Variants in MINAR1 observed in about 807,000 individuals in gnomAD.
The protein encoded by MINAR1 is membrane integral NOTCH2 associated receptor 1.
In MINAR1, 40 loss-of-function variants were observed where a neutral mutation model predicts 65.1. That is an observed-to-expected ratio of 0.61 (90% CI 0.48 to 0.80). MINAR1 has a LOEUF of 0.80. Among genes scored for constraint, MINAR1 ranks in the 30% least tolerant of loss-of-function variants. The pLI is 0.00. For missense variants in MINAR1, 1,128 were observed against 1,148.0 expected (o/e 0.98, Z 0.25); for synonymous variants, 482 against 449.1 (o/e 1.07, Z -0.93).
At chr15:79,420,060 A>G in the MINAR1 span, 1 of 151,376 alleles carries the variant, frequency 6.6e-6, no homozygotes, top group Non-Finnish European at 1.5e-5. Flanking sequence ...ATCAAAGACA[A>G]AGAAAATTCT....
intron 3 of MINAR1, among the ~76,000 whole-genome samples, chr15:79,467,237 G>C (rs1421500376): frequency 6.6e-6 from 1 of 152,186 alleles, no homozygotes; most frequent in Admixed American, 6.5e-5. Flanking sequence ...AATTTTTAAT[G>C]TGCCCATGTT....
In MINAR1 at chr15:79,463,282, T is replaced by G. The variant is rs2141303101; in HGVS notation, c.2514T>G (p.Asn838Lys). Residue 838 changes from asparagine (N) to lysine (K), a missense_variant, in exon 3 of 4, where the codon AAT becomes AAG. Asn to Lys is a moderately conservative substitution (Grantham distance 94). Coordinates refer to ENST00000305428, the MANE Select transcript of MINAR1 (RefSeq NM_015206.3). ...GGACCATTGAGGAGTATGCACGGAATGCGGGCGACAAGGGCAAGCTGACAG... is the reference window on the plus strand; with the variant it reads ...GGACCATTGAGGAGTATGCACGGAAGGCGGGCGACAAGGGCAAGCTGACAG... ...PSWTIEEYAR[N>K]AGDKGKLTAL... 1 of 1,614,148 alleles carries G rather than the reference T, an allele frequency of 6.2e-7. No individual in the cohort carries two copies. The highest frequency in any genetic ancestry group is 8.5e-7 in the Non-Finnish European group (1 of 1,180,012).
chr15:79,460,129 G>T (rs557264603), intron 2 of MINAR1, among the ~76,000 whole-genome samples: 18 of 152,194 alleles, frequency 1.2e-4, no homozygotes, highest in Admixed American at 1.1e-3. Context: ...CTAACACAAA[G>T]TTGCTAACAC....
chr15:79,457,364 C>A lies in MINAR1; in HGVS notation c.1217C>A (p.Pro406Gln). Reference sequence around the variant, plus strand: ...GCCAGTAGCCAGACCCCCAATTTCCCAGCCCCAGAAAGGCGCCCAACTTAC... The same window carrying A: ...GCCAGTAGCCAGACCCCCAATTTCCAAGCCCCAGAAAGGCGCCCAACTTAC... ...PNASSQTPNFPAPERRPTYLV... is the reference protein window; with the variant it reads ...PNASSQTPNFQAPERRPTYLV... The change falls in exon 2 of 4, where the codon CCA becomes CAA. Residue 406 changes from proline (P) to glutamine (Q), a missense_variant. Pro to Gln is a moderately conservative substitution (Grantham distance 76). Transcript: ENST00000305428. 5.0e-6 allele frequency: 8 copies of A among 1,614,202 alleles called. No homozygotes were observed. The highest frequency in any genetic ancestry group is 6.8e-6 in the Non-Finnish European group (8 of 1,180,038).
At chr15:79,428,831 A>G (rs981483407), upstream of MINAR1, among the ~76,000 whole-genome samples, 1 of 152,128 alleles carries the variant, frequency 6.6e-6, no homozygotes, top group Non-Finnish European at 1.5e-5. Flanking sequence ...ATTATGATGG[A>G]TTAAAAAGTA....
At chr15:79,437,726 AGTGT>A (rs200948827) in intron 1 of MINAR1, among the ~76,000 whole-genome samples, 3 of 3,886 alleles carry the variant, frequency 7.7e-4, no homozygotes, top group South Asian at 0.021. Flanking sequence ...GTGGGTAGTG[AGTGT>A]GTGGGGTGTG....
chr15:79,451,190 G>A (rs1456178431), intron 1 of MINAR1, among the ~76,000 whole-genome samples: 5 of 152,126 alleles, frequency 3.3e-5, no homozygotes, highest in South Asian at 2.1e-4. Context: ...ATTTGGGGTG[G>A]CTTTTAAAAC....
At position 79,458,226 on chromosome 15, in the gene MINAR1, C is replaced by G; in HGVS notation, c.2079C>G (p.Ser693Arg). 6.2e-7 allele frequency: 1 copy of G among 1,614,126 alleles called. No individual in the cohort carries two copies. The highest frequency in any genetic ancestry group is 8.5e-7 in the Non-Finnish European group (1 of 1,180,042). The stretch of plus-strand genomic sequence containing the variant: ...ATGCTAGCGGGAGCAACAGTGAAAG[C>G]CTGCGGGTCAAGGCCTTAAAAAAAA... Reference protein sequence around the residue: ...CSDASGSNSESLRVKALKKSL... With the variant: ...CSDASGSNSERLRVKALKKSL... Residue 693 changes from serine (S) to arginine (R), a missense_variant, in exon 2 of 4, where the codon AGC (serine) becomes AGG (arginine). By Grantham distance (110) the Ser-to-Arg change is moderately radical. Transcript: ENST00000305428.
intron 1 of MINAR1, among the ~76,000 whole-genome samples, chr15:79,455,319 GATTT>G (rs1181589174): frequency 8.6e-5 from 13 of 151,918 alleles, no homozygotes; most frequent in African/African-American, 2.9e-4. Context: ...ATCTTATACA[GATTT>G]ATTTTCATAT....
intron 2 of MINAR1, 55 bp downstream of exon 2, chr15:79,458,500 G>GTA: frequency 6.4e-7 from 1 of 1,563,316 alleles, no homozygotes; most frequent in Non-Finnish European, 8.7e-7. Context: ...TAGCCCTGGT[G>GTA]TATTTCAAAG....
At chr15:79,466,849 A>G (rs1895877842) in intron 3 of MINAR1, among the ~76,000 whole-genome samples, 1 of 152,230 alleles carries the variant, frequency 6.6e-6, no homozygotes, top group South Asian at 2.1e-4. Flanking sequence ...GCCAAGGGAA[A>G]GGGGCTGTTT....
At chr15:79,445,547 G>GTTTTTTTTTTTTTTTTTTTTTTTTT in intron 1 of MINAR1, among the ~76,000 whole-genome samples, 1 of 71,110 alleles carries the variant, frequency 1.4e-5, no homozygotes. Flanking sequence ...TTCTGTGACA[G>GTTTTTTTTTTTTTTTTTTTTTTTTT]TTATTTTTTT....
In MINAR1 at chr15:79,469,344, T is replaced by C. The variant is rs1285140930; in HGVS notation, c.*960T>C. ...ACGTTGACATTCTATCTGTAAACCA[T>C]GGTTTTCACGCACCACTAATATCTG... On this transcript the variant is annotated 3_prime_UTR_variant, in exon 4 of 4. Coordinates refer to ENST00000305428, the MANE Select transcript of MINAR1 (RefSeq NM_015206.3). The C allele has an allele frequency of 6.6e-6, 1 of 152,592 alleles. No homozygotes were observed. The highest frequency in any genetic ancestry group is 2.4e-5 in the African/African-American group (1 of 41,438). 9.5% of individuals were successfully genotyped at this position (152,592 alleles called of 1,614,324 possible).
the MINAR1 span, chr15:79,415,694 T>A: frequency 6.6e-6 from 1 of 152,206 alleles, no homozygotes; most frequent in Admixed American, 6.5e-5. Flanking sequence ...TCCTTAGGGC[T>A]GGCTGGATCT....
At chr15:79,419,819 G>A in the MINAR1 span, 2 of 152,162 alleles carry the variant, frequency 1.3e-5, no homozygotes, top group African/African-American at 4.8e-5. Context: ...TAAAGGGAAT[G>A]TTCGGAGACA....
At chr15:79,461,859 C>CT (rs1895653265) in intron 2 of MINAR1, among the ~76,000 whole-genome samples, 1 of 151,682 alleles carries the variant, frequency 6.6e-6, no homozygotes, top group African/African-American at 2.4e-5. Context: ...CCTATGCAAG[C>CT]ATATGATCCA....
At chr15:79,442,612 T>C (rs1349432385) in intron 1 of MINAR1, among the ~76,000 whole-genome samples, 2 of 143,594 alleles carry the variant, frequency 1.4e-5, no homozygotes, top group Non-Finnish European at 3.1e-5. Context: ...AAAAAAAAAC[T>C]TCCAACAAAA....
At chr15:79,422,545 T>A in the MINAR1 span, 1 of 140,028 alleles carries the variant, frequency 7.1e-6, no homozygotes, top group African/African-American at 2.7e-5. Context: ...TGAAACTCTG[T>A]CTCCAAAAAA....
At chr15:79,436,907 AAT>A (rs1250405939) in intron 1 of MINAR1, among the ~76,000 whole-genome samples, 1 of 152,144 alleles carries the variant, frequency 6.6e-6, no homozygotes, top group African/African-American at 2.4e-5. Context: ...TGTCTTACTC[AAT>A]ATGTGTCCAA....
Sources: gnomAD v4.1 joint callset for allele counts (sites outside exome capture counted in the v4.1 genomes callset) on GRCh38, gnomAD v4.1.1 for gene constraint, MANE v1.5 for transcripts, NCBI Gene and HGNC (gene_info 2026-07-23, HGNC 2026-07-21) for gene names.